Variants in NDST4 observed in about 807,000 individuals in gnomAD.
NDST4 encodes N-deacetylase and N-sulfotransferase 4, also known as N-heparan sulfate sulfotransferase 4.
In NDST4, 63 loss-of-function variants were observed where a neutral mutation model predicts 100.8. The observed-to-expected ratio is 0.62, with a 90% CI of 0.51 to 0.77. The LOEUF (loss-of-function observed/expected upper bound fraction) is 0.77, where lower values mean the gene tolerates loss of function less well. Ranked by LOEUF, NDST4 falls within the 30% of genes least tolerant of loss-of-function variation. NDST4 has a pLI of 0.00. For synonymous variants in NDST4, 377 were observed against 361.8 expected, an observed-to-expected ratio of 1.04 and a Z score of -0.48; for missense variants, 943 against 1,018.4, an observed-to-expected ratio of 0.93 and a Z score of 1.01.
intron 2 of NDST4, 32 bp downstream of exon 2, chr4:115,076,027 C>G: frequency 6.4e-7 from 1 of 1,561,194 alleles, no homozygotes; most frequent in Non-Finnish European, 8.6e-7. Context: ...TTGTGAAATA[C>G]AAATTTCGAT....
chr4:114,864,813 GC>G (rs1723991101), intron 7 of NDST4, among the ~76,000 whole-genome samples: 1 of 152,128 alleles, frequency 6.6e-6, no homozygotes, highest in African/African-American at 2.4e-5. Context: ...GGTTTATAAT[GC>G]CAACCTCTGG....
chr4:114,979,807 G>A (rs17047540), intron 2 of NDST4, among the ~76,000 whole-genome samples: 4,059 of 151,956 alleles, frequency 0.027, 122 homozygotes, highest in African/African-American at 0.067. Flanking sequence ...GGATTAATGA[G>A]GGAGTAAAAA....
intron 1 of NDST4, among the ~76,000 whole-genome samples, chr4:115,095,203 A>G (rs1430625331): frequency 6.6e-6 from 1 of 152,116 alleles, no homozygotes; most frequent in Non-Finnish European, 1.5e-5. Flanking sequence ...ATCCCCGGCC[A>G]TATCAGTTAC....
intron 2 of NDST4, among the ~76,000 whole-genome samples, chr4:115,068,741 C>T (rs1436760865): frequency 2.7e-5 from 4 of 148,046 alleles, no homozygotes; most frequent in South Asian, 2.1e-4. Flanking sequence ...AGCACGAACC[C>T]GGAGGTGGAG....
At chr4:114,896,433 C>A (rs1184435401) in intron 6 of NDST4, among the ~76,000 whole-genome samples, 1 of 151,838 alleles carries the variant, frequency 6.6e-6, no homozygotes, top group East Asian at 1.9e-4. Context: ...ACCATCCTGG[C>A]TAACATGGTG....
At chr4:114,838,510 C>T (rs1014374521) in intron 11 of NDST4, among the ~76,000 whole-genome samples, 1 of 152,082 alleles carries the variant, frequency 6.6e-6, no homozygotes, top group South Asian at 2.1e-4. Context: ...GAGTTCATGT[C>T]CTTTGTAGGG....
At chr4:115,054,205 A>G (rs1416921551) in intron 2 of NDST4, among the ~76,000 whole-genome samples, 2 of 152,046 alleles carry the variant, frequency 1.3e-5, no homozygotes, top group African/African-American at 4.8e-5. Context: ...CTTATTTTCA[A>G]TAGTAGAATT....
Position 114,977,244 on chromosome 4 carries a change from T to C in NDST4, c.1009A>G (p.Thr337Ala). 1.2e-6 allele frequency: 2 copies of C among 1,610,086 alleles called. No homozygotes were observed. The highest frequency in any genetic ancestry group is 1.1e-5 in the South Asian group (1 of 90,572). The stretch of plus-strand genomic sequence containing the variant: ...TTGAAGGTAAAATTTGCAACCTGAG[T>C]GCGCAGTAAATTTTGAGTCTCTAGT... ...ALLETQNLLRTQVANFTFNLG... is the reference protein window; with the variant it reads ...ALLETQNLLRAQVANFTFNLG... Residue 337 changes from threonine (T) to alanine (A), a missense_variant, in exon 3 of 14, where the codon ACT becomes GCT. Physicochemically the swap from Thr to Ala is moderately conservative, Grantham distance 58. Around this residue, in one of 2 missense-constraint regions of NDST4, gnomAD observed 526 missense variants for 634.1 expected, o/e 0.83. Transcript: ENST00000264363.
chr4:115,011,573 T>G (rs1727548217), intron 2 of NDST4, among the ~76,000 whole-genome samples: 2 of 151,988 alleles, frequency 1.3e-5, no homozygotes, highest in South Asian at 4.1e-4. Flanking sequence ...ACATCTTGTT[T>G]TTTAAGTGAA....
chr4:115,022,929 T>C (rs555274048), intron 2 of NDST4, among the ~76,000 whole-genome samples: 1 of 152,290 alleles, frequency 6.6e-6, no homozygotes, highest in South Asian at 2.1e-4. Context: ...TGAAAGACCA[T>C]TAAACTTATT....
intron 6 of NDST4, among the ~76,000 whole-genome samples, chr4:114,926,253 A>C (rs1265846907): frequency 1.3e-5 from 2 of 152,116 alleles, no homozygotes; most frequent in African/African-American, 4.8e-5. Context: ...CAGATGTCGA[A>C]GTATGCTTTT....
At chr4:114,914,750 G>A (rs775065488) in intron 6 of NDST4, among the ~76,000 whole-genome samples, 1 of 152,098 alleles carries the variant, frequency 6.6e-6, no homozygotes, top group Non-Finnish European at 1.5e-5. Context: ...TTTAAGCTGA[G>A]GTAGAAGGAA....
Position 115,076,838 on chromosome 4 carries a change from T to C in NDST4, c.199A>G (p.Thr67Ala). The change falls in exon 2 of 14, where the codon ACA becomes GCA. Residue 67 changes from threonine (T) to alanine (A), a missense_variant. Physicochemically the swap from Thr to Ala is moderately conservative, Grantham distance 58. This residue lies in a region of NDST4 where 417 missense variants were observed against 384.2 expected (regional missense o/e 1.09). Transcript: ENST00000264363. ...TTGGATGTGTCAATAGGTTTAACTGTTTTCAGCTCCATTGACCTATATGGT... is the reference window on the plus strand; with the variant it reads ...TTGGATGTGTCAATAGGTTTAACTGCTTTCAGCTCCATTGACCTATATGGT... ...ILPYRSMELK[T>A]VKPIDTSKTD... 1 of 1,613,824 alleles carries C rather than the reference T, an allele frequency of 6.2e-7. No homozygotes were observed. The highest frequency in any genetic ancestry group is 8.5e-7 in the Non-Finnish European group (1 of 1,179,876).
At chr4:115,043,060 T>C (rs1382614534) in intron 2 of NDST4, among the ~76,000 whole-genome samples, 2 of 152,076 alleles carry the variant, frequency 1.3e-5, no homozygotes. Context: ...TATTTACCAC[T>C]ACACATGCTG....
chr4:114,869,933 C>T (rs1724111713), intron 7 of NDST4, among the ~76,000 whole-genome samples: 1 of 152,030 alleles, frequency 6.6e-6, no homozygotes, highest in Non-Finnish European at 1.5e-5. Flanking sequence ...ACAGTCTTGA[C>T]CAGAGGGAGA....
intron 2 of NDST4, among the ~76,000 whole-genome samples, chr4:115,054,532 ATTG>A (rs1728652317): frequency 6.6e-6 from 1 of 152,182 alleles, no homozygotes; most frequent in South Asian, 2.1e-4. Context: ...AAGAAGAAAT[ATTG>A]TCACCAATTT....
intron 2 of NDST4, among the ~76,000 whole-genome samples, chr4:114,986,362 AAAC>A (rs1378209265): frequency 6.6e-6 from 1 of 152,098 alleles, no homozygotes; most frequent in East Asian, 1.9e-4. Flanking sequence ...CTCGTGCCCT[AAAC>A]GTTGTTACTG....
chr4:115,105,837 T>G (rs1455622932), intron 1 of NDST4, among the ~76,000 whole-genome samples: 1 of 152,160 alleles, frequency 6.6e-6, no homozygotes, highest in Non-Finnish European at 1.5e-5. Context: ...AACAAATTCC[T>G]TTTGCATAAA....
intron 4 of NDST4, among the ~76,000 whole-genome samples, chr4:114,952,241 A>T (rs1195075973): frequency 6.6e-6 from 1 of 152,184 alleles, no homozygotes; most frequent in Non-Finnish European, 1.5e-5. Flanking sequence ...TGAGTGATAT[A>T]AATAGCTCAT....
Sources: allele counts gnomAD v4.1 joint callset (sites outside exome capture counted in the v4.1 genomes callset), GRCh38; gene constraint gnomAD v4.1.1; regional missense constraint gnomAD v4.1.1; transcripts MANE v1.5; gene names NCBI Gene and HGNC (gene_info 2026-07-23, HGNC 2026-07-21).